The following SKI variants were observed in gnomAD, a reference collection of about 807,000 sequenced individuals.
SKI encodes the protein SKI proto-oncogene.
A neutral mutation model predicts 59.3 loss-of-function variants in SKI; 23 were observed. That is an observed-to-expected ratio of 0.39 (90% CI 0.28 to 0.55). The LOEUF (loss-of-function observed/expected upper bound fraction) is 0.55, where lower values mean the gene tolerates loss of function less well. Ranked by LOEUF, SKI falls within the 20% of genes least tolerant of loss-of-function variation. The pLI, the probability that SKI is intolerant of heterozygous loss-of-function variation, is 0.67. For missense variants in SKI, 1,017 were observed against 1,038.9 expected (o/e 0.98, Z 0.29); for synonymous variants, 673 against 488.6 (o/e 1.38, Z -4.98).
intron 1 of SKI, among the ~76,000 whole-genome samples, chr1:2,272,361 G>A (rs188598849): frequency 2.9e-4 from 44 of 152,356 alleles, no homozygotes; most frequent in Middle Eastern, 3.4e-3. Context: ...TGTTGAGACC[G>A]TGCTGCCCCC....
chr1:2,228,592 C>T lies in SKI; in HGVS notation c.-175C>T. 1 of 157,156 alleles carries T rather than the reference C, an allele frequency of 6.4e-6. No homozygotes were observed. Among genetic ancestry groups the T allele is most frequent in the Non-Finnish European group, 1.3e-5 (1 of 77,684 alleles). The allele number at this position is 157,156 out of a possible 1,614,324, so 9.7% of individuals were successfully genotyped here. ...AGCGGCGGGACCCCTTCGCCCCGCC[C>T]GCCTTCCCCTTCGCGCCCCCGGGCG... is the stretch of plus-strand genomic sequence containing the variant. On this transcript the variant is annotated 5_prime_UTR_variant, in exon 1 of 7. Coordinates refer to ENST00000378536, the MANE Select transcript of SKI (RefSeq NM_003036.4).
At chr1:2,244,722 C>T (rs1713712) in intron 1 of SKI, among the ~76,000 whole-genome samples, 62,869 of 151,912 alleles carry the variant, frequency 0.41, 13,274 homozygotes, top group Admixed American at 0.47. Context: ...TTTTCTGTAA[C>T]TTGTGCATAT....
intron 1 of SKI, among the ~76,000 whole-genome samples, chr1:2,244,212 C>T (rs945740877): frequency 1.3e-5 from 2 of 152,068 alleles, no homozygotes; most frequent in Non-Finnish European, 2.9e-5. Context: ...GATCCGCCTG[C>T]CTCGGCCTCC....
In SKI at chr1:2,292,952, C is replaced by T. The variant is rs936592212; in HGVS notation, c.970-10026C>T. 3.3e-5 allele frequency among the ~76,000 whole-genome samples: 5 copies of T among 152,188 alleles called. No homozygotes were observed. The East Asian group carries it at 9.6e-4, about 29-fold the overall frequency. On this transcript the variant is annotated intron_variant, in intron 1 of 6. Coordinates refer to ENST00000378536, the MANE Select transcript of SKI (RefSeq NM_003036.4). ...CGAGGATGTCGGCACCATTTGGGCCCGTGGACTTCCTCCAGTCTCTGGGTG... is the reference window on the plus strand; with the variant it reads ...CGAGGATGTCGGCACCATTTGGGCCTGTGGACTTCCTCCAGTCTCTGGGTG...
At chr1:2,300,156 A>C (rs1809822) in intron 1 of SKI, among the ~76,000 whole-genome samples, 9,819 of 152,290 alleles carry the variant, frequency 0.064, 521 homozygotes, top group East Asian at 0.24. Context: ...CTGGCCAGGT[A>C]GCTTGCCTGG....
intron 1 of SKI, among the ~76,000 whole-genome samples, chr1:2,231,591 G>A (rs754784021): frequency 3.9e-5 from 6 of 152,174 alleles, no homozygotes; most frequent in Non-Finnish European, 7.3e-5. Context: ...CCTCCGAGCC[G>A]CCTTTCCCTT....
intron 1 of SKI, among the ~76,000 whole-genome samples, chr1:2,290,047 T>C (rs981255060): frequency 3.3e-5 from 5 of 152,172 alleles, no homozygotes; most frequent in African/African-American, 1.2e-4. Context: ...CAGAGACCCT[T>C]GCCCTCTTGT....
Position 2,303,407 on chromosome 1 carries a change from G to A in SKI, c.1211+7G>A. On this transcript the variant is annotated splice_region_variant and intron_variant, in intron 3 of 6. Transcript: ENST00000378536. The surrounding 1 kb of genome is among the most constrained non-coding windows in gnomAD (Gnocchi z 5.6). ...CGGCCCTCATCCGAGACAGGTGAGT[G>A]GGCGCCATTCACAGGTGTTTCTGAT... is the stretch of plus-strand genomic sequence containing the variant. The A allele has an allele frequency of 3.1e-6, 5 of 1,607,186 alleles. No homozygotes were observed. Among genetic ancestry groups the A allele is most frequent in the Non-Finnish European group, 4.3e-6 (5 of 1,175,198 alleles).
rs1640688796 is a variant in SKI at position 2,309,471 on chromosome 1, T to C, written c.*2706T>C. On this transcript the variant is annotated 3_prime_UTR_variant, in exon 7 of 7. Transcript: ENST00000378536. The stretch of plus-strand genomic sequence containing the variant: ...TTCACCTGTAAATACTTTTTCCTTT[T>C]TCACCGTTGTATTATACATGTATAT... 6.6e-6 allele frequency: 1 copy of C among 152,196 alleles called. No individual in the cohort carries two copies. Among genetic ancestry groups the C allele is most frequent in the African/African-American group, 2.4e-5 (1 of 41,430 alleles). 9.4% of individuals were successfully genotyped at this position (152,196 alleles called of 1,614,324 possible). A position where few individuals can be genotyped will look rare whatever the true frequency, so the allele number is the denominator to read the frequency against.
intron 1 of SKI, among the ~76,000 whole-genome samples, chr1:2,273,667 C>G (rs947908111): frequency 7.9e-5 from 12 of 152,280 alleles, no homozygotes; most frequent in African/African-American, 2.4e-4. Context: ...GAGTGTGCGA[C>G]CAGAGTGTGG....
chr1:2,234,047 T>TG (rs1638699997), intron 1 of SKI, among the ~76,000 whole-genome samples: 1 of 152,206 alleles, frequency 6.6e-6, no homozygotes, highest in Non-Finnish European at 1.5e-5. Flanking sequence ...TCTTGGGCCA[T>TG]GCTCTGGGGT....
intron 1 of SKI, among the ~76,000 whole-genome samples, chr1:2,289,079 G>A (rs919259255): frequency 2.6e-5 from 4 of 152,318 alleles, no homozygotes; most frequent in South Asian, 2.1e-4. Flanking sequence ...GCTGGGGGAA[G>A]GTCATGTTCT....
intron 1 of SKI, among the ~76,000 whole-genome samples, chr1:2,239,127 C>G (rs532682963): frequency 2.6e-5 from 4 of 152,300 alleles, no homozygotes; most frequent in Non-Finnish European, 5.9e-5. Context: ...GAATGATATG[C>G]AAATGTAGTC....
chr1:2,232,999 AT>A (rs1376390752), intron 1 of SKI, among the ~76,000 whole-genome samples: 6 of 151,920 alleles, frequency 3.9e-5, no homozygotes, highest in Non-Finnish European at 8.8e-5. Flanking sequence ...ATTGGACTAC[AT>A]TTTTTTGTCA....
chr1:2,262,662 C>T (rs563657214), intron 1 of SKI, among the ~76,000 whole-genome samples: 8 of 152,274 alleles, frequency 5.3e-5, no homozygotes, highest in East Asian at 1.9e-4. Context: ...TTTATGAGTC[C>T]GAGGAAGTCC....
intron 1 of SKI, among the ~76,000 whole-genome samples, chr1:2,283,128 G>A (rs183282728): frequency 9.8e-5 from 15 of 152,338 alleles, no homozygotes; most frequent in Middle Eastern, 3.4e-3. Flanking sequence ...CGGCCCAACC[G>A]CCTTTGTCGG....
intron 1 of SKI, among the ~76,000 whole-genome samples, chr1:2,286,451 A>C (rs1433160595): frequency 6.6e-6 from 1 of 152,168 alleles, no homozygotes; most frequent in Admixed American, 6.5e-5. Flanking sequence ...AACTATGATG[A>C]TGCTACCGCA....
At chr1:2,265,140 T>C (rs1201586495) in intron 1 of SKI, among the ~76,000 whole-genome samples, 1 of 152,176 alleles carries the variant, frequency 6.6e-6, no homozygotes, top group Non-Finnish European at 1.5e-5. Flanking sequence ...GATTGTCTCT[T>C]TGTCACTGCT....
In SKI at chr1:2,292,268, G is replaced by C. The variant is rs143654681; in HGVS notation, c.970-10710G>C. Among the ~76,000 whole-genome samples, 1,088 of 152,334 alleles carry C rather than the reference G, an allele frequency of 7.1e-3. 15 individuals are homozygous for C. The highest frequency in any genetic ancestry group is 0.024 in the African/African-American group (989 of 41,564). ...CACGTAGGAGAGCACAGCCCACCTT[G>C]GGCTTTTGGGGTTCGGGCTTTTGGA... On this transcript the variant is annotated intron_variant, in intron 1 of 6. Transcript: ENST00000378536.
Sources: gnomAD v4.1 joint callset for allele counts (sites outside exome capture counted in the v4.1 genomes callset) on GRCh38, gnomAD v4.1.1 for gene constraint, Gnocchi (gnomAD v3.1) non-coding constraint, MANE v1.5 for transcripts, NCBI Gene and HGNC (gene_info 2026-07-23, HGNC 2026-07-21) for gene names.